The following ADAMTSL3 variants were observed in gnomAD, a reference collection of about 807,000 sequenced individuals.
ADAMTSL3 encodes the protein ADAMTS like 3.
Under a neutral mutation model 201.7 loss-of-function variants are expected in ADAMTSL3, and 128 were observed. The observed-to-expected ratio is 0.63, with a 90% CI of 0.55 to 0.73. The LOEUF is 0.73. Ranked by LOEUF, ADAMTSL3 falls within the 30% of genes least tolerant of loss-of-function variation. The probability of loss-of-function intolerance (pLI) is 0.00; values close to 1 mark genes in which losing one functional copy is unlikely to be tolerated. For synonymous variants in ADAMTSL3, 738 were observed against 748.4 expected, an observed-to-expected ratio of 0.99 and a Z score of 0.23; for missense variants, 1,990 against 2,119.6, an observed-to-expected ratio of 0.94 and a Z score of 1.20.
intron 20 of ADAMTSL3, among the ~76,000 whole-genome samples, chr15:83,980,345 G>T (rs930424523): frequency 6.6e-6 from 1 of 152,134 alleles, no homozygotes; most frequent in Admixed American, 6.5e-5. Context: ...ACATTCTGTT[G>T]ATTGAGCCCT....
intron 4 of ADAMTSL3, among the ~76,000 whole-genome samples, chr15:83,790,711 A>T (rs1006512791): frequency 6.6e-6 from 1 of 152,168 alleles, no homozygotes; most frequent in Admixed American, 6.5e-5. Context: ...AGAAAAATAC[A>T]ACTGTCTTTA....
At chr15:83,825,760 A>C (rs955600227) in intron 6 of ADAMTSL3, among the ~76,000 whole-genome samples, 1 of 152,096 alleles carries the variant, frequency 6.6e-6, no homozygotes, top group African/African-American at 2.4e-5. Flanking sequence ...AATGACAAGC[A>C]GAAGGGACAG....
intron 15 of ADAMTSL3, among the ~76,000 whole-genome samples, chr15:83,907,959 G>T (rs953228894): frequency 6.6e-6 from 1 of 152,310 alleles, no homozygotes; most frequent in East Asian, 1.9e-4. Context: ...CTCCATGGAG[G>T]TTGTCCTAAT....
intron 16 of ADAMTSL3, 119 bp from the exon 17 acceptor site, chr15:83,923,785 G>A (rs2066191796): frequency 1.6e-6 from 2 of 1,220,124 alleles, no homozygotes; most frequent in Non-Finnish European, 2.3e-6. Flanking sequence ...GCAGCCTGCA[G>A]CCCTATGATA....
intron 4 of ADAMTSL3, among the ~76,000 whole-genome samples, chr15:83,780,722 C>G (rs1483445663): frequency 6.6e-6 from 1 of 152,156 alleles, no homozygotes; most frequent in Admixed American, 6.5e-5. Context: ...CCCATAGTCT[C>G]AGGCCAAAGG....
At chr15:83,768,661 T>C (rs1240064693) in intron 3 of ADAMTSL3, among the ~76,000 whole-genome samples, 1 of 152,198 alleles carries the variant, frequency 6.6e-6, no homozygotes, top group Non-Finnish European at 1.5e-5. Context: ...TCTAGAGGCA[T>C]GGAAGCTCCA....
intron 3 of ADAMTSL3, among the ~76,000 whole-genome samples, chr15:83,716,684 G>C (rs1428765366): frequency 6.6e-6 from 1 of 151,814 alleles, no homozygotes; most frequent in Non-Finnish European, 1.5e-5. Flanking sequence ...CAACTATGAG[G>C]AAGTAATAGT....
intron 3 of ADAMTSL3, among the ~76,000 whole-genome samples, chr15:83,746,662 T>C (rs954604846): frequency 6.6e-6 from 1 of 152,162 alleles, no homozygotes; most frequent in Admixed American, 6.5e-5. Flanking sequence ...TAGTCTCTTG[T>C]GAAAACAGTA....
At chr15:83,770,165 C>T (rs2062956764) in intron 3 of ADAMTSL3, among the ~76,000 whole-genome samples, 1 of 152,090 alleles carries the variant, frequency 6.6e-6, no homozygotes, top group African/African-American at 2.4e-5. Context: ...TATGCATGTA[C>T]AAAGTATACA....
Position 83,693,957 on chromosome 15 carries a change from T to G in ADAMTSL3, c.70-10432T>G, listed in dbSNP as rs147608185. On this transcript the variant is annotated intron_variant, in intron 2 of 29. Transcript: ENST00000286744. ...AACCATTTGGGTAAAATAAAATATT[T>G]ATTTGTACTTAATTTAAAAGACAAA... Among the ~76,000 whole-genome samples, 26 of 152,346 alleles carry G rather than the reference T, an allele frequency of 1.7e-4. No individual in the cohort carries two copies. The East Asian group carries it at 5.0e-3, about 29-fold the overall frequency.
In ADAMTSL3 at chr15:83,841,971, G is replaced by A. The variant is rs556473546; in HGVS notation, c.727+3756G>A. ...CTCAGGGGGAAATTTGGCCGAGGGC[G>A]GACGGACGAGATCCTAGCTGCTAAG... On this transcript the variant is annotated intron_variant, in intron 7 of 29. Coordinates refer to ENST00000286744, the MANE Select transcript of ADAMTSL3 (RefSeq NM_207517.3). Among the ~76,000 whole-genome samples, 8 of 151,640 alleles carry A rather than the reference G, an allele frequency of 5.3e-5. No individual in the cohort carries two copies. The South Asian group carries it at 1.5e-3, about 28-fold the overall frequency.
At position 83,917,453 on chromosome 15, in the gene ADAMTSL3, A is replaced by ATGTATGTATGTATATG. The variant is rs1421640011; in HGVS notation, c.1987+4080_1987+4081insGTATGTATATGTGTAT. ...TATGTATGTATGTATGTATGTATGTATGTATATGTATGTATGCATGTACTC... is the reference window on the plus strand; with the variant it reads ...TATGTATGTATGTATGTATGTATGTATGTATGTATGTATATGTGTATATGTATGTATGCATGTACTC... On this transcript the variant is annotated intron_variant, in intron 16 of 29. Transcript: ENST00000286744. Among the ~76,000 whole-genome samples the ATGTATGTATGTATATG allele has an allele frequency of 9.2e-5, 14 of 152,140 alleles. No individual in the cohort carries two copies. The South Asian group carries it at 1.2e-3, about 14-fold the overall frequency.
At chr15:84,021,681 G>A in intron 26 of ADAMTSL3, 88 bp downstream of exon 26, 1 of 1,434,932 alleles carries the variant, frequency 7.0e-7, no homozygotes, top group Non-Finnish European at 9.4e-7. Flanking sequence ...TAATTCAATA[G>A]CTAAGTTTTT....
chr15:83,745,191 C>T (rs2062525128), intron 3 of ADAMTSL3, among the ~76,000 whole-genome samples: 1 of 152,192 alleles, frequency 6.6e-6, no homozygotes, highest in African/African-American at 2.4e-5. Flanking sequence ...GGAGTATCAC[C>T]TTCCTGGTCC....
intron 3 of ADAMTSL3, among the ~76,000 whole-genome samples, chr15:83,718,816 C>T (rs1232156825): frequency 6.6e-6 from 1 of 152,012 alleles, no homozygotes; most frequent in Non-Finnish European, 1.5e-5. Flanking sequence ...GCATTAGTCA[C>T]TGTTGGCGGG....
At chr15:83,739,045 G>C (rs374918557) in intron 3 of ADAMTSL3, among the ~76,000 whole-genome samples, 27 of 151,054 alleles carry the variant, frequency 1.8e-4, no homozygotes, top group African/African-American at 5.6e-4. Context: ...GTGGTCAAAG[G>C]AAAACAAAAT....
At chr15:83,985,486 G>A (rs1303150186) in intron 21 of ADAMTSL3, among the ~76,000 whole-genome samples, 2 of 152,072 alleles carry the variant, frequency 1.3e-5, no homozygotes, top group African/African-American at 4.8e-5. Context: ...CATATTCCAT[G>A]AAAGAAGCCA....
chr15:83,970,731 T>A, intron 20 of ADAMTSL3, 94 bp downstream of exon 20: 1 of 1,499,860 alleles, frequency 6.7e-7, no homozygotes, highest in Non-Finnish European at 9.1e-7. Flanking sequence ...AGATTTCTAA[T>A]CTGTGGGTAA....
intron 27 of ADAMTSL3, among the ~76,000 whole-genome samples, chr15:84,028,929 T>A (rs995113275): frequency 3.9e-5 from 6 of 152,238 alleles, no homozygotes; most frequent in African/African-American, 1.4e-4. Flanking sequence ...TTCTCCTTCC[T>A]GCTGCCTTGT....
Sources: gnomAD v4.1 joint callset for allele counts (sites outside exome capture counted in the v4.1 genomes callset) on GRCh38, gnomAD v4.1.1 for gene constraint, MANE v1.5 for transcripts, NCBI Gene and HGNC (gene_info 2026-07-23, HGNC 2026-07-21) for gene names.